Variants in PROX1 observed in about 807,000 individuals in gnomAD.
PROX1 encodes the protein prospero homeobox protein 1.
In PROX1, 7 loss-of-function variants were observed where a neutral mutation model predicts 58.8. The ratio of observed to expected loss-of-function variants is 0.12; its 90% CI spans 0.07 to 0.22. PROX1 has a LOEUF of 0.22. Ranked by LOEUF, PROX1 falls within the 10% of genes least tolerant of loss-of-function variation. The probability of loss-of-function intolerance (pLI) is 1.00; values close to 1 mark genes in which losing one functional copy is unlikely to be tolerated. For missense variants in PROX1, 675 were observed against 927.8 expected (o/e 0.73, Z 3.54); for synonymous variants, 350 against 358.3 (o/e 0.98, Z 0.26).
rs1664956595 is a variant in PROX1, at chr1:214,039,870, TTAAAAAA to T, written c.*4039_*4045del. 1 of 151,664 alleles carries T rather than the reference TTAAAAAA, an allele frequency of 6.6e-6. No individual in the cohort carries two copies. The highest frequency in any genetic ancestry group is 1.5e-5 in the Non-Finnish European group (1 of 67,976). 9.4% of individuals were successfully genotyped at this position (151,664 alleles called of 1,614,324 possible). On this transcript the variant is annotated 3_prime_UTR_variant, in exon 5 of 5. Coordinates refer to ENST00000366958, the MANE Select transcript of PROX1 (RefSeq NM_001270616.2). ...TCATAAAGCTAATGATTTGGGGACT[TTAAAAAA>T]TAGGATGTCCTCCAGGAACAATCAT... is the stretch of plus-strand genomic sequence containing the variant.
chr1:214,005,372 T>G (rs1376388732), intron 3 of PROX1, 100 bp downstream of exon 3: 18 of 882,372 alleles, frequency 2.0e-5, no homozygotes, highest in Non-Finnish European at 3.2e-5. Context: ...ATTGGTTTAT[T>G]CCTACACCTG....
chr1:214,019,304 C>T (rs1203468436), intron 4 of PROX1, among the ~76,000 whole-genome samples: 4 of 152,076 alleles, frequency 2.6e-5, no homozygotes, highest in Non-Finnish European at 5.9e-5. Context: ...CATTGACATC[C>T]GTGATCATAT....
Position 213,996,920 on chromosome 1 carries a change from T to C in PROX1, c.385T>C (p.Cys129Arg). The change falls in exon 2 of 5, where the codon TGC becomes CGC. Residue 129 changes from cysteine (C) to arginine (R), a missense_variant. Physicochemically the swap from Cys to Arg is radical, Grantham distance 180 (BLOSUM62 -3). Coordinates refer to ENST00000366958, the MANE Select transcript of PROX1 (RefSeq NM_001270616.2). Reference sequence around the variant, plus strand: ...CTCCGAAGTACATCAGGAGGATATATGCAGCAACTCTTCAAGAGACAGCCC... The same window carrying C: ...CTCCGAAGTACATCAGGAGGATATACGCAGCAACTCTTCAAGAGACAGCCC... ...TGSEVHQEDI[C>R]SNSSRDSPPE... 1 of 1,614,064 alleles carries C rather than the reference T, an allele frequency of 6.2e-7. No homozygotes were observed. Among genetic ancestry groups the C allele is most frequent in the Non-Finnish European group, 8.5e-7 (1 of 1,180,006 alleles).
At chr1:213,994,750 AATATATAT>A (rs66460564) in intron 1 of PROX1, among the ~76,000 whole-genome samples, 179 of 88,234 alleles carry the variant, frequency 2.0e-3, no homozygotes, top group African/African-American at 3.1e-3. Context: ...CAAGCATGCA[AATATATAT>A]ATATATATAT....
intron 1 of PROX1, among the ~76,000 whole-genome samples, chr1:213,995,622 A>G (rs1313566180): frequency 6.6e-6 from 1 of 152,164 alleles, no homozygotes; most frequent in Non-Finnish European, 1.5e-5. Context: ...ATAACTTATT[A>G]TTCCTCATAT....
At chr1:213,987,311 A>G (rs1320420500), upstream of PROX1, among the ~76,000 whole-genome samples, 1 of 151,956 alleles carries the variant, frequency 6.6e-6, no homozygotes, top group Non-Finnish European at 1.5e-5. Context: ...CCTGTATTTT[A>G]TTGTCCACCT....
rs575552154 is a variant in PROX1 at position 214,011,276 on chromosome 1, T to C, written c.1834-245T>C. On this transcript the variant is annotated intron_variant, in intron 3 of 4. Transcript: ENST00000366958. ...TGTTCGGCTTAAGGAAAGTCTGATT[T>C]AGAATGTGACTTTTCCACTTGAAAG... is the stretch of plus-strand genomic sequence containing the variant. 3.3e-5 allele frequency among the ~76,000 whole-genome samples: 5 copies of C among 152,318 alleles called. No homozygotes were observed. In the East Asian group the frequency reaches 9.6e-4, roughly 29 times the overall value.
In PROX1 at chr1:213,999,850, G is replaced by A. The variant is rs146945145; in HGVS notation, c.1725+1590G>A. Among the ~76,000 whole-genome samples, 5 of 152,292 alleles carry A rather than the reference G, an allele frequency of 3.3e-5. No homozygotes were observed. The East Asian group carries it at 5.8e-4, about 18-fold the overall frequency. The stretch of plus-strand genomic sequence containing the variant: ...TCAAATGATTGGAATATCGCTGTTG[G>A]TGATGAGAAAGGCAAAGTAAGAAGA... On this transcript the variant is annotated intron_variant, in intron 2 of 4. Coordinates refer to ENST00000366958, the MANE Select transcript of PROX1 (RefSeq NM_001270616.2).
At chr1:214,010,091 T>C (rs1328860502) in intron 3 of PROX1, among the ~76,000 whole-genome samples, 1 of 152,088 alleles carries the variant, frequency 6.6e-6, no homozygotes, top group East Asian at 1.9e-4. Context: ...TTTAATCGGG[T>C]TCCCCGCGAG....
At position 214,035,868 on chromosome 1, in the gene PROX1, G is replaced by C; in HGVS notation, c.*34G>C. On this transcript the variant is annotated 3_prime_UTR_variant, in exon 5 of 5. Coordinates refer to ENST00000366958, the MANE Select transcript of PROX1 (RefSeq NM_001270616.2). Reference sequence around the variant, plus strand: ...ACAACTCTTTTTGAATGTATGAAGAGTAGCAGTCCCCTTTGGATGTCCAAG... The same window carrying C: ...ACAACTCTTTTTGAATGTATGAAGACTAGCAGTCCCCTTTGGATGTCCAAG... The C allele has an allele frequency of 1.3e-6, 2 of 1,571,154 alleles. No individual in the cohort carries two copies. The highest frequency in any genetic ancestry group is 1.2e-5 in the South Asian group (1 of 84,982).
intron 1 of PROX1, among the ~76,000 whole-genome samples, chr1:213,994,056 A>G (rs1254992619): frequency 6.6e-6 from 1 of 152,202 alleles, no homozygotes; most frequent in Non-Finnish European, 1.5e-5. Flanking sequence ...GCAGCTGTTG[A>G]TACCTAGGCT....
intron 4 of PROX1, chr1:214,030,570 G>A (rs1171393751): frequency 6.6e-6 from 1 of 152,382 alleles, no homozygotes; most frequent in African/African-American, 2.4e-5. Context: ...AGTGTCCATG[G>A]AGAACTGAGC....
In PROX1 at chr1:213,997,883, C is replaced by A. The variant is rs201989339; in HGVS notation, c.1348C>A (p.Gln450Lys). 6.8e-6 allele frequency: 11 copies of A among 1,612,516 alleles called. No homozygotes were observed. In the Admixed American group the frequency reaches 1.0e-4, roughly 15 times the overall value. ...PLVVRKNSSD[Q>K]SASGPAAGGH... is the part of the protein sequence containing the mutation. ...GGTTGTCCGCAAAAACTCCTCTGAC[C>A]AGTCTGCCTCCGGCCCTGCCGCTGG... Residue 450 changes from glutamine to lysine, a missense_variant, in exon 2 of 5, where the codon CAG (glutamine) becomes AAG (lysine). Around this residue, in one of 8 missense-constraint regions of PROX1, gnomAD observed 403 missense variants for 477.4 expected, o/e 0.84. Transcript: ENST00000366958. This position sits in a 1 kb window ranked among gnomAD's most constrained non-coding sequence, Gnocchi z 7.1.
chr1:214,026,151 ATTTG>A (rs963216157), intron 4 of PROX1, among the ~76,000 whole-genome samples: 12 of 152,260 alleles, frequency 7.9e-5, no homozygotes, highest in Middle Eastern at 3.4e-3. Context: ...TTGCTTGCAT[ATTTG>A]TTTGTTTGTT....
intron 2 of PROX1, among the ~76,000 whole-genome samples, chr1:214,002,105 C>T (rs879525480): frequency 6.6e-6 from 1 of 152,194 alleles, no homozygotes; most frequent in Non-Finnish European, 1.5e-5. Flanking sequence ...TTGCTGGGAA[C>T]TGCAGCACGT....
chr1:214,030,641 G>C (rs1558188131), intron 4 of PROX1: 1 of 152,218 alleles, frequency 6.6e-6, no homozygotes. Flanking sequence ...ACGGTTCAGA[G>C]GTGTGAAAAA....
intron 1 of PROX1, among the ~76,000 whole-genome samples, chr1:213,992,472 A>AT (rs1382036228): frequency 6.6e-6 from 1 of 152,050 alleles, no homozygotes; most frequent in Non-Finnish European, 1.5e-5. Flanking sequence ...AGACCATCTG[A>AT]TTTTTCCCCT....
intron 4 of PROX1, among the ~76,000 whole-genome samples, chr1:214,031,550 C>G (rs1161369273): frequency 1.3e-5 from 2 of 152,104 alleles, no homozygotes; most frequent in Non-Finnish European, 2.9e-5. Flanking sequence ...ACTGTTACCA[C>G]CTGATGCTGA....
chr1:214,011,061 C>T (rs750964627), intron 3 of PROX1, among the ~76,000 whole-genome samples: 2 of 151,852 alleles, frequency 1.3e-5, no homozygotes, highest in African/African-American at 2.4e-5. Context: ...GGCTGTAATG[C>T]GGTGATACAA....
Sources: gnomAD v4.1 joint callset for allele counts (sites outside exome capture counted in the v4.1 genomes callset) on GRCh38, gnomAD v4.1.1 for gene constraint, gnomAD v4.1.1 regional missense constraint, Gnocchi (gnomAD v3.1) non-coding constraint, MANE v1.5 for transcripts, NCBI Gene and HGNC (gene_info 2026-07-23, HGNC 2026-07-21) for gene names.